The following ZBTB25 variants were observed in gnomAD, a reference collection of about 807,000 sequenced individuals.
The protein encoded by ZBTB25 is zinc finger and BTB domain-containing protein 25.
A neutral mutation model predicts 34.2 loss-of-function variants in ZBTB25; 20 were observed. The ratio of observed to expected loss-of-function variants is 0.58; its 90% CI spans 0.41 to 0.85. The LOEUF (loss-of-function observed/expected upper bound fraction) is 0.85. ZBTB25 is among the 40% of genes least tolerant of loss of function. ZBTB25 has a pLI of 0.00. For synonymous variants in ZBTB25, 175 were observed against 186.4 expected, an observed-to-expected ratio of 0.94 and a Z score of 0.50; for missense variants, 437 against 521.8, an observed-to-expected ratio of 0.84 and a Z score of 1.58.
intron 1 of ZBTB25, among the ~76,000 whole-genome samples, chr14:64,494,128 AGAG>A (rs1164656542): frequency 2.0e-5 from 3 of 152,246 alleles, no homozygotes; most frequent in Non-Finnish European, 4.4e-5. Flanking sequence ...AAAATAAGAC[AGAG>A]GAGGAGAAAA....
At chr14:64,449,635 C>T in exon 3 of ZBTB25, 1 of 1,613,544 alleles carries the variant, frequency 6.2e-7, no homozygotes, top group South Asian at 1.1e-5. Context: ...GGGTGATTTG[C>T]TGTCTGCAAA....
At chr14:64,459,742 C>T in intron 2 of ZBTB25, 1 of 1,526,920 alleles carries the variant, frequency 6.5e-7, no homozygotes, top group East Asian at 2.4e-5. Flanking sequence ...ACATTTATTT[C>T]TTGTTTTTCC....
At chr14:64,504,382 CTG>C (rs2140048827), upstream of ZBTB25, 1 of 152,692 alleles carries the variant, frequency 6.5e-6, no homozygotes, top group East Asian at 1.9e-4. Flanking sequence ...GGTCTGACAT[CTG>C]GACGGAGTGG....
chr14:64,487,880 C>T lies in ZBTB25; in HGVS notation c.351G>A (p.Val117=), dbSNP rs757118210. Residue 117 remains valine (V), a synonymous_variant, in exon 3 of 3, where the codon GTG becomes GTA. Transcript: ENST00000608382. ...LSHIATEMNQ[V]FSPETVQSSN... ...AGGACTGCACAGTCTCTGGTGAGAA[C>T]ACTTGATTCATTTCAGTTGCAATGT... 1.9e-5 allele frequency: 30 copies of T among 1,614,028 alleles called. No individual in the cohort carries two copies. Among genetic ancestry groups the T allele is most frequent in the African/African-American group, 2.7e-5 (2 of 74,902 alleles).
intron 1 of ZBTB25, among the ~76,000 whole-genome samples, chr14:64,493,245 G>A (rs1244409424): frequency 6.6e-6 from 1 of 152,354 alleles, no homozygotes; most frequent in African/African-American, 2.4e-5. Flanking sequence ...AGGGAGAACA[G>A]AGCGTGGTAG....
rs1057009805 is a variant in ZBTB25, at chr14:64,479,035, A to G, written c.*7888T>C. 1.3e-5 allele frequency: 2 copies of G among 152,086 alleles called. No homozygotes were observed. The highest frequency in any genetic ancestry group is 2.9e-5 in the Non-Finnish European group (2 of 67,996). 9.4% of individuals were successfully genotyped at this position (152,086 alleles called of 1,614,324 possible). A position where few individuals can be genotyped will look rare whatever the true frequency, so the allele number is the denominator to read the frequency against. ...TTTAATAATCACATTTTTTCCTTTTATTTCTAATAATCACATTTTTATCTT... is the reference window on the plus strand; with the variant it reads ...TTTAATAATCACATTTTTTCCTTTTGTTTCTAATAATCACATTTTTATCTT... On this transcript the variant is annotated 3_prime_UTR_variant, in exon 3 of 3. Coordinates refer to ENST00000608382, the MANE Select transcript of ZBTB25 (RefSeq NM_006977.5).
At chr14:64,503,944 C>A (rs1453006), upstream of ZBTB25, 1 of 152,170 alleles carries the variant, frequency 6.6e-6, no homozygotes, top group African/African-American at 2.4e-5. Context: ...CTCTGAGTGC[C>A]GCCGCCACAG....
intron 2 of ZBTB25, among the ~76,000 whole-genome samples, chr14:64,466,556 T>C (rs537127197): frequency 3.0e-4 from 45 of 152,206 alleles, no homozygotes; most frequent in South Asian, 2.9e-3. Context: ...CACTGAAACA[T>C]TGTGAGGAGA....
chr14:64,453,101 G>C (rs555924590), intron 2 of ZBTB25, among the ~76,000 whole-genome samples: 1 of 151,846 alleles, frequency 6.6e-6, no homozygotes, highest in South Asian at 2.1e-4. Context: ...TACTTAGCGA[G>C]AGATTTTAAA....
chr14:64,501,861 G>C (rs1187081973), intron 1 of ZBTB25, among the ~76,000 whole-genome samples: 2 of 152,214 alleles, frequency 1.3e-5, no homozygotes, highest in Admixed American at 1.3e-4. Context: ...GGCATAGAGG[G>C]CAGCTGAAAG....
intron 1 of ZBTB25, chr14:64,502,993 C>T (rs891219826): frequency 3.0e-6 from 3 of 985,256 alleles, no homozygotes; most frequent in Admixed American, 6.2e-5. Flanking sequence ...GTGATGCGGG[C>T]GCTAACTGTT....
chr14:64,484,759 A>G lies in ZBTB25; in HGVS notation c.*2164T>C, dbSNP rs2078840548. On this transcript the variant is annotated 3_prime_UTR_variant, in exon 3 of 3. Coordinates refer to ENST00000608382, the MANE Select transcript of ZBTB25 (RefSeq NM_006977.5). ...GAATATAGAGGAGAAAAATTATCTT[A>G]ATAAGAACAATAGAATTTGAATTGA... is the stretch of plus-strand genomic sequence containing the variant. 1 of 153,004 alleles carries G rather than the reference A, an allele frequency of 6.5e-6. No homozygotes were observed. The highest frequency in any genetic ancestry group is 2.4e-5 in the African/African-American group (1 of 41,468). 9.5% of individuals were successfully genotyped at this position (153,004 alleles called of 1,614,324 possible). A position where few individuals can be genotyped will look rare whatever the true frequency, so the allele number is the denominator to read the frequency against.
rs2078804151 is a variant in ZBTB25, at chr14:64,482,337, G to A, written c.*4586C>T. 1 of 152,288 alleles carries A rather than the reference G, an allele frequency of 6.6e-6. No individual in the cohort carries two copies. The highest frequency in any genetic ancestry group is 2.4e-5 in the African/African-American group (1 of 41,438). The allele number at this position is 152,288 out of a possible 1,614,324, so 9.4% of individuals were successfully genotyped here. ...GTGGTGGTGCGTGCCTATAGTTCCA[G>A]CTACTCGGGAGGCTGAGGAAGAAGA... is the stretch of plus-strand genomic sequence containing the variant. On this transcript the variant is annotated 3_prime_UTR_variant, in exon 3 of 3. Coordinates refer to ENST00000608382, the MANE Select transcript of ZBTB25 (RefSeq NM_006977.5).
Position 64,488,792 on chromosome 14 carries a change from G to C in ZBTB25, c.174-735C>G, listed in dbSNP as rs140393883. On this transcript the variant is annotated intron_variant, in intron 2 of 2. Coordinates refer to ENST00000608382, the MANE Select transcript of ZBTB25 (RefSeq NM_006977.5). ...ATTGCTTAATGGGTACAAAGTTTCT[G>C]TTTGGGGTGATAAAAAAGTTTTGGA... 9.5e-3 allele frequency among the ~76,000 whole-genome samples: 1,449 copies of C among 152,284 alleles called. 11 individuals are homozygous for C. Among genetic ancestry groups the C allele is most frequent in the Non-Finnish European group, 0.013 (904 of 68,016 alleles).
At chr14:64,489,195 C>T (rs2078985657) in intron 2 of ZBTB25, among the ~76,000 whole-genome samples, 1 of 152,068 alleles carries the variant, frequency 6.6e-6, no homozygotes, top group Admixed American at 6.6e-5. Context: ...TTGCAGTGAG[C>T]TGAGATCATG....
At chr14:64,452,124 C>T (rs1233407829) in intron 2 of ZBTB25, among the ~76,000 whole-genome samples, 1 of 152,068 alleles carries the variant, frequency 6.6e-6, no homozygotes, top group African/African-American at 2.4e-5. Flanking sequence ...GGTGAAACTC[C>T]GTCTCTACTA....
At chr14:64,469,483 A>T (rs1159061580) in intron 2 of ZBTB25, 1 of 1,613,192 alleles carries the variant, frequency 6.2e-7, no homozygotes, top group South Asian at 1.1e-5. Flanking sequence ...AGCAATTCTT[A>T]ATTTCAGCTG....
At chr14:64,489,194 G>A (rs952869745) in intron 2 of ZBTB25, among the ~76,000 whole-genome samples, 1 of 152,094 alleles carries the variant, frequency 6.6e-6, no homozygotes, top group African/African-American at 2.4e-5. Flanking sequence ...GTTGCAGTGA[G>A]CTGAGATCAT....
At position 64,482,282 on chromosome 14, in the gene ZBTB25, C is replaced by T. The variant is rs2078803491; in HGVS notation, c.*4641G>A. 1 of 152,140 alleles carries T rather than the reference C, an allele frequency of 6.6e-6. No individual in the cohort carries two copies. Among genetic ancestry groups the T allele is most frequent in the Admixed American group, 6.6e-5 (1 of 15,256 alleles). 9.4% of individuals were successfully genotyped at this position (152,140 alleles called of 1,614,324 possible). On this transcript the variant is annotated 3_prime_UTR_variant, in exon 3 of 3. Transcript: ENST00000608382. ...CCTTGCCAACATGATGAAACCCCAT[C>T]TCTACTAAAAATACAAAAATTAGCT...
Sources: allele counts gnomAD v4.1 joint callset (sites outside exome capture counted in the v4.1 genomes callset), GRCh38; gene constraint gnomAD v4.1.1; transcripts MANE v1.5; gene names NCBI Gene and HGNC (gene_info 2026-07-23, HGNC 2026-07-21).